GTPBP4: variants seen among roughly 807,000 people sequenced by gnomAD.
GTPBP4 encodes the protein GTP-binding protein 4.
Under a neutral mutation model 81.7 loss-of-function variants are expected in GTPBP4, and 15 were observed. The ratio of observed to expected loss-of-function variants is 0.18; its 90% CI spans 0.12 to 0.28. GTPBP4 has a LOEUF of 0.28. GTPBP4 is among the 10% of genes least tolerant of loss of function. GTPBP4 has a pLI of 1.00. For missense variants in GTPBP4, 847 were observed against 793.8 expected (o/e 1.07, Z -0.81); for synonymous variants, 272 against 274.6 (o/e 0.99, Z 0.09).
intron 1 of GTPBP4, 147 bp downstream of exon 1, chr10:988,674 C>T: frequency 3.1e-6 from 2 of 638,958 alleles, no homozygotes; most frequent in Non-Finnish European, 5.6e-6. Flanking sequence ...GCCGCGTACT[C>T]GGGATCATTT....
At chr10:1,004,763 G>A (rs989095524) in intron 8 of GTPBP4, among the ~76,000 whole-genome samples, 1 of 152,302 alleles carries the variant, frequency 6.6e-6, no homozygotes, top group Middle Eastern at 3.4e-3. Flanking sequence ...GGTAGCAGCT[G>A]CTCACAGCTG....
At chr10:1,011,156 T>C (rs74116706) in intron 13 of GTPBP4, among the ~76,000 whole-genome samples, 1,212 of 116,788 alleles carry the variant, frequency 0.01, 32 homozygotes, top group African/African-American at 0.029. Flanking sequence ...TTCTCCTGCA[T>C]CCCTCCATCC....
intron 13 of GTPBP4, 147 bp downstream of exon 13, chr10:1,010,667 C>G: frequency 7.4e-6 from 5 of 677,652 alleles, no homozygotes; most frequent in Non-Finnish European, 1.1e-5. Flanking sequence ...TACCACTTCC[C>G]CACCCTGAGA....
At chr10:1,000,540 CTTTT>C in intron 6 of GTPBP4, 133 bp from the exon 7 acceptor site, 4 of 402,566 alleles carry the variant, frequency 9.9e-6, no homozygotes, top group Non-Finnish European at 1.7e-5. Context: ...CCCAGCCCTA[CTTTT>C]TTTTTTTTTT....
At chr10:1,008,787 C>T (rs1005442259) in intron 10 of GTPBP4, 171 bp from the exon 11 acceptor site, 11 of 638,222 alleles carry the variant, frequency 1.7e-5, no homozygotes, top group African/African-American at 1.5e-4. Context: ...GTTAATTGGT[C>T]TCGGTATGAA....
intron 2 of GTPBP4, among the ~76,000 whole-genome samples, chr10:994,570 C>G (rs774130748): frequency 6.6e-6 from 1 of 152,154 alleles, no homozygotes; most frequent in Non-Finnish European, 1.5e-5. Context: ...AGTGCCTGGC[C>G]AAGAATGAGA....
At chr10:1,016,656 T>C (rs1226822000) in intron 16 of GTPBP4, among the ~76,000 whole-genome samples, 1 of 152,244 alleles carries the variant, frequency 6.6e-6, no homozygotes, top group Non-Finnish European at 1.5e-5. Flanking sequence ...AGATGTGTGC[T>C]AACCTTCTAG....
In GTPBP4 at chr10:1,018,644, TA is replaced by T. The variant is rs1832031938; in HGVS notation, c.*1422del. 1 of 151,824 alleles carries T rather than the reference TA, an allele frequency of 6.6e-6. No homozygotes were observed. The highest frequency in any genetic ancestry group is 1.5e-5 in the Non-Finnish European group (1 of 68,004). 9.4% of individuals were successfully genotyped at this position (151,824 alleles called of 1,614,324 possible). A position where few individuals can be genotyped will look rare whatever the true frequency, so the allele number is the denominator to read the frequency against. ...TAACACGGTGAAACCCCGTCTCTAC[TA>T]AAAATACAAAAAATTAGCTGGGTGT... On this transcript the variant is annotated 3_prime_UTR_variant, in exon 17 of 17. Coordinates refer to ENST00000360803, the MANE Select transcript of GTPBP4 (RefSeq NM_012341.3).
intron 11 of GTPBP4, 30 bp from the exon 12 acceptor site, chr10:1,009,499 A>G (rs1371925899): frequency 6.6e-7 from 1 of 1,510,168 alleles, no homozygotes; most frequent in South Asian, 1.1e-5. Flanking sequence ...GGCAAAATGA[A>G]GCTGATGATA....
Position 1,012,543 on chromosome 10 carries a change from G to A in GTPBP4, c.1423G>A (p.Glu475Lys), listed in dbSNP as rs752236545. 8.7e-6 allele frequency: 14 copies of A among 1,612,846 alleles called. No homozygotes were observed. The highest frequency in any genetic ancestry group is 5.3e-5 in the African/African-American group (4 of 74,906). Residue 475 changes from glutamate (E) to lysine (K), a missense_variant, in exon 14 of 17, where the codon GAA becomes AAA. Around this residue, in one of 3 missense-constraint regions of GTPBP4, gnomAD observed 600 missense variants for 557.1 expected, o/e 1.08. Transcript: ENST00000360803. ...EYDSVSESEDEEMLEIRQLAK... is the reference protein window; with the variant it reads ...EYDSVSESEDKEMLEIRQLAK... ...TGACAGTGTATCTGAGAGTGAAGAC[G>A]AAGAGATGCTGGAAATCCGACAGCT...
intron 14 of GTPBP4, among the ~76,000 whole-genome samples, chr10:1,013,838 G>C (rs1564471740): frequency 1.3e-5 from 2 of 152,170 alleles, no homozygotes; most frequent in African/African-American, 4.8e-5. Context: ...CAAGTGACTG[G>C]TTATGGCGGA....
chr10:1,013,416 T>C (rs575220899), intron 14 of GTPBP4, among the ~76,000 whole-genome samples: 5 of 151,962 alleles, frequency 3.3e-5, no homozygotes, highest in African/African-American at 1.2e-4. Context: ...GAGACCATCC[T>C]GGCTAAAACA....
intron 10 of GTPBP4, among the ~76,000 whole-genome samples, chr10:1,008,716 T>C (rs1053228899): frequency 2.6e-5 from 4 of 152,202 alleles, no homozygotes; most frequent in African/African-American, 9.7e-5. Flanking sequence ...GGAGTCCTCC[T>C]GGTCTCTGTG....
At chr10:1,008,897 C>T in intron 10 of GTPBP4, 61 bp from the exon 11 acceptor site, 1 of 1,293,120 alleles carries the variant, frequency 7.7e-7, no homozygotes, top group Non-Finnish European at 1.1e-6. Flanking sequence ...ACTTTTTCGG[C>T]TTTGTAAGTT....
At chr10:988,657 C>A in intron 1 of GTPBP4, 130 bp downstream of exon 1, 1 of 682,996 alleles carries the variant, frequency 1.5e-6, no homozygotes, top group Non-Finnish European at 2.6e-6. Flanking sequence ...CTGGGCCTGA[C>A]CGTCTGGCCG....
chr10:1,013,334 G>A (rs1172301905), intron 14 of GTPBP4, among the ~76,000 whole-genome samples: 1 of 151,438 alleles, frequency 6.6e-6, no homozygotes. Flanking sequence ...TTTAGGCCGG[G>A]CGCAGTGGCT....
Position 1,001,607 on chromosome 10 carries a change from CCTT to C in GTPBP4, c.912+598_912+600del, listed in dbSNP as rs530376491. Among the ~76,000 whole-genome samples the C allele has an allele frequency of 2.7e-3, 414 of 152,072 alleles. 1 individual carries two copies. Among genetic ancestry groups the C allele is most frequent in the African/African-American group, 9.6e-3 (397 of 41,492 alleles). On this transcript the variant is annotated intron_variant, in intron 8 of 16. Coordinates refer to ENST00000360803, the MANE Select transcript of GTPBP4 (RefSeq NM_012341.3). ...TCCTGGCCCAGCAATGTCAGCATCA[CCTT>C]CTTAATTTCTTCCTTAATTTCCTCA... is the stretch of plus-strand genomic sequence containing the variant.
At chr10:1,005,539 A>T (rs1337066043) in intron 8 of GTPBP4, among the ~76,000 whole-genome samples, 1 of 152,056 alleles carries the variant, frequency 6.6e-6, no homozygotes, top group East Asian at 1.9e-4. Flanking sequence ...GCTCCCCCTC[A>T]GTTATTAACA....
At chr10:1,008,056 C>A (rs1378632405) in intron 10 of GTPBP4, 1 of 455,848 alleles carries the variant, frequency 2.2e-6, no homozygotes, top group Non-Finnish European at 4.4e-6. Flanking sequence ...ATTTTTTTTT[C>A]TGGGTGTTCA....
Sources: allele counts gnomAD v4.1 joint callset (sites outside exome capture counted in the v4.1 genomes callset), GRCh38; gene constraint gnomAD v4.1.1; regional missense constraint gnomAD v4.1.1; transcripts MANE v1.5; gene names NCBI Gene and HGNC (gene_info 2026-07-23, HGNC 2026-07-21).